CFTR: variants seen among roughly 807,000 people sequenced by gnomAD.
The protein encoded by CFTR is cystic fibrosis transmembrane conductance regulator.
Under a neutral mutation model 171.6 loss-of-function variants are expected in CFTR, and 181 were observed. The observed-to-expected ratio is 1.05, with a 90% CI of 0.93 to 1.19. The LOEUF (loss-of-function observed/expected upper bound fraction) is 1.19, where lower values mean the gene tolerates loss of function less well. CFTR is among the 50% of genes most tolerant of loss of function. The probability of loss-of-function intolerance (pLI) is 0.00; values close to 1 mark genes in which losing one functional copy is unlikely to be tolerated. For synonymous variants in CFTR, 583 were observed against 608.0 expected, an observed-to-expected ratio of 0.96 and a Z score of 0.60; for missense variants, 1,968 against 1,734.7, an observed-to-expected ratio of 1.13 and a Z score of -2.39.
intron 3 of CFTR, among the ~76,000 whole-genome samples, chr7:117,514,311 T>C (rs1000691708): frequency 6.6e-6 from 1 of 152,078 alleles, no homozygotes; most frequent in African/African-American, 2.4e-5. Context: ...CCTCCCCTAC[T>C]CCTTACTTCC....
rs575256256 is a variant in CFTR at position 117,488,419 on chromosome 7, G to A, written c.53+8272G>A. ...GTGAAACATTTAGACATGCAAAATG[G>A]ACTTTTCAGAAGAAGAAAATGGTAG... On this transcript the variant is annotated intron_variant, in intron 1 of 26. Coordinates refer to ENST00000003084, the MANE Select transcript of CFTR (RefSeq NM_000492.4). Among the ~76,000 whole-genome samples the A allele has an allele frequency of 2.0e-5, 3 of 152,076 alleles. No homozygotes were observed. In the South Asian group the frequency reaches 6.2e-4, roughly 32 times the overall value.
At chr7:117,664,915 C>A in intron 25 of CFTR, 55 bp downstream of exon 25, 1 of 1,554,950 alleles carries the variant, frequency 6.4e-7, no homozygotes, top group Non-Finnish European at 8.9e-7. Context: ...AATCATTATG[C>A]CTGCTTCATG....
At chr7:117,659,956 T>C (rs1419018647) in intron 24 of CFTR, among the ~76,000 whole-genome samples, 1 of 152,200 alleles carries the variant, frequency 6.6e-6, no homozygotes, top group Non-Finnish European at 1.5e-5. Context: ...GAGCAAACTC[T>C]TGCTCCATAA....
At chr7:117,597,027 C>G (rs543288950) in intron 15 of CFTR, among the ~76,000 whole-genome samples, 3 of 152,276 alleles carry the variant, frequency 2.0e-5, no homozygotes, top group African/African-American at 7.2e-5. Flanking sequence ...GACCAATCAG[C>G]AGGATGTGGG....
At position 117,611,680 on chromosome 7, in the gene CFTR, A is replaced by G. The variant is rs564165440; in HGVS notation, c.3239A>G (p.Lys1080Arg). Residue 1080 changes from lysine (K) to arginine (R), a missense_variant, in exon 20 of 27, where the codon AAA (lysine) becomes AGA (arginine). Transcript: ENST00000003084. Reference sequence around the variant, plus strand: ...CCTTACTTTGAAACTCTGTTCCACAAAGCTCTGAATTTACATACTGCCAAC... The same window carrying G: ...CCTTACTTTGAAACTCTGTTCCACAGAGCTCTGAATTTACATACTGCCAAC... The part of the protein sequence containing the change: ...RQPYFETLFH[K>R]ALNLHTANWF... 2.0e-5 allele frequency: 33 copies of G among 1,613,610 alleles called. No individual in the cohort carries two copies. In the South Asian group the frequency reaches 3.3e-4, roughly 16 times the overall value.
chr7:117,639,697 G>C (rs1792881017), intron 22 of CFTR, among the ~76,000 whole-genome samples: 1 of 152,100 alleles, frequency 6.6e-6, no homozygotes, highest in Non-Finnish European at 1.5e-5. Flanking sequence ...CTAAATACTT[G>C]TTTGCTTTGT....
At chr7:117,649,838 T>C (rs1793061704) in intron 23 of CFTR, among the ~76,000 whole-genome samples, 1 of 152,084 alleles carries the variant, frequency 6.6e-6, no homozygotes, top group Non-Finnish European at 1.5e-5. Flanking sequence ...TGAGACCATA[T>C]GTTGGGAGAT....
intron 11 of CFTR, among the ~76,000 whole-genome samples, chr7:117,584,929 T>G (rs1791907065): frequency 1.7e-5 from 2 of 118,990 alleles, no homozygotes; most frequent in South Asian, 5.2e-4. Flanking sequence ...TTTTTTTTTT[T>G]GTTTGTTTTG....
chr7:117,649,970 C>G (rs1051047873), intron 23 of CFTR, among the ~76,000 whole-genome samples: 9 of 151,856 alleles, frequency 5.9e-5, no homozygotes, highest in Admixed American at 3.9e-4. Context: ...CAATAGGAAT[C>G]CAATGTGTGA....
At chr7:117,514,059 T>A (rs1477288486) in intron 3 of CFTR, among the ~76,000 whole-genome samples, 2 of 152,188 alleles carry the variant, frequency 1.3e-5, no homozygotes, top group Non-Finnish European at 2.9e-5. Flanking sequence ...TAGCCAAAGT[T>A]GAGAACTATT....
Position 117,614,596 on chromosome 7 carries a change from C to A in CFTR, c.3368-17C>A. The A allele has an allele frequency of 6.5e-7, 1 of 1,532,336 alleles. No individual in the cohort carries two copies. Among genetic ancestry groups the A allele is most frequent in the Non-Finnish European group, 9.0e-7 (1 of 1,106,058 alleles). The allele number at this position is 1,532,336 out of a possible 1,614,324, so 94.9% of individuals were successfully genotyped here. On this transcript the variant is annotated splice_polypyrimidine_tract_variant and intron_variant, in intron 20 of 26. Transcript: ENST00000003084. ...GAAATAACATGAGGTTCATTTACGTCTTTTGTGCATCTATAGGAGAAGGAG... is the reference window on the plus strand; with the variant it reads ...GAAATAACATGAGGTTCATTTACGTATTTTGTGCATCTATAGGAGAAGGAG...
Position 117,541,967 on chromosome 7 carries a change from T to C in CFTR, c.1117-49T>C, listed in dbSNP as rs890162543. 1.0e-5 allele frequency: 9 copies of C among 872,050 alleles called. No individual in the cohort carries two copies. The African/African-American group carries it at 1.2e-4, about 11-fold the overall frequency. 54.0% of individuals were successfully genotyped at this position (872,050 alleles called of 1,614,324 possible). ...GTATAAAGTAGATGTAATAATGCATTAATGCTATTCTGATTCTATAATATG... is the reference window on the plus strand; with the variant it reads ...GTATAAAGTAGATGTAATAATGCATCAATGCTATTCTGATTCTATAATATG... On this transcript the variant is annotated intron_variant, in intron 8 of 26. Transcript: ENST00000003084.
At chr7:117,587,894 T>G in intron 12 of CFTR, 61 bp downstream of exon 12, 1 of 1,028,404 alleles carries the variant, frequency 9.7e-7, no homozygotes, top group African/African-American at 1.6e-5. Flanking sequence ...TGTAAAAAAA[T>G]TACAGACATT....
At chr7:117,665,409 G>C in intron 25 of CFTR, 50 bp from the exon 26 acceptor site, 1 of 1,050,722 alleles carries the variant, frequency 9.5e-7, no homozygotes, top group South Asian at 1.3e-5. Context: ...GGTAAATACA[G>C]ATCATTACTG....
At chr7:117,659,946 G>A (rs1793242710) in intron 24 of CFTR, among the ~76,000 whole-genome samples, 1 of 151,548 alleles carries the variant, frequency 6.6e-6, no homozygotes, top group East Asian at 1.9e-4. Context: ...TCTGTCACAA[G>A]AGCAAACTCT....
chr7:117,542,145 T>C, intron 9 of CFTR, 37 bp downstream of exon 9: 3 of 967,340 alleles, frequency 3.1e-6, no homozygotes, highest in South Asian at 2.6e-5. Flanking sequence ...TCTAAACACC[T>C]AACTGTTTTC....
At chr7:117,591,858 CA>C in intron 13 of CFTR, 75 bp from the exon 14 acceptor site, 1 of 957,630 alleles carries the variant, frequency 1.0e-6, no homozygotes, top group South Asian at 1.8e-5. Context: ...AAAACATTAA[CA>C]AAATGCTAAA....
chr7:117,550,760 G>A (rs1381903183), intron 10 of CFTR, among the ~76,000 whole-genome samples: 1 of 152,168 alleles, frequency 6.6e-6, no homozygotes, highest in African/African-American at 2.4e-5. Flanking sequence ...AAATTGATGA[G>A]CAGATAATTA....
rs121908794 is a variant in CFTR at position 117,590,352 on chromosome 7, G to A, written c.1680-1G>A. The stretch of plus-strand genomic sequence containing the variant: ...TAATTTAATTTCCATTTTCTTTTTA[G>A]AGCAGTATACAAAGATGCTGATTTG... On this transcript the variant is annotated splice_acceptor_variant, in intron 12 of 26. Coordinates refer to ENST00000003084, the MANE Select transcript of CFTR (RefSeq NM_000492.4). LOFTEE classifies it high-confidence loss of function. 3 of 1,601,996 alleles carry A rather than the reference G, an allele frequency of 1.9e-6. No individual in the cohort carries two copies. The highest frequency in any genetic ancestry group is 2.2e-5 in the East Asian group (1 of 44,532).
Sources: gnomAD v4.1 joint callset for allele counts (sites outside exome capture counted in the v4.1 genomes callset) on GRCh38, gnomAD v4.1.1 for gene constraint, MANE v1.5 for transcripts, NCBI Gene and HGNC (gene_info 2026-07-23, HGNC 2026-07-21) for gene names.